DLG5: variants seen among roughly 807,000 people sequenced by gnomAD.
DLG5 encodes disks large homolog 5.
DLG5 carries 48 observed loss-of-function variants against 189.8 expected under a neutral mutation model. The observed-to-expected ratio is 0.25, with a 90% confidence interval of 0.20 to 0.32. DLG5 has a LOEUF of 0.32. Ranked by LOEUF, DLG5 falls within the 10% of genes least tolerant of loss-of-function variation. DLG5 has a pLI of 1.00. For missense variants in DLG5, 2,160 were observed against 2,544.7 expected, an observed-to-expected ratio of 0.85 and a Z score of 3.25; for synonymous variants, 1,016 against 1,054.1, an observed-to-expected ratio of 0.96 and a Z score of 0.70.
intron 9 of DLG5, among the ~76,000 whole-genome samples, chr10:77,831,918 T>C (rs1241268807): frequency 6.6e-6 from 1 of 152,220 alleles, no homozygotes; most frequent in Non-Finnish European, 1.5e-5. Context: ...TAAAAAATGT[T>C]CACTGATGGC....
chr10:77,876,832 G>A (rs2154577264), intron 1 of DLG5, among the ~76,000 whole-genome samples: 1 of 151,380 alleles, frequency 6.6e-6, no homozygotes, highest in East Asian at 1.9e-4. Context: ...TGTGTGGGGT[G>A]GCAGGAAGGA....
upstream of DLG5, chr10:77,927,197 G>T (rs577556673): frequency 2.4e-3 from 371 of 152,688 alleles, 2 homozygotes; most frequent in Non-Finnish European, 2.7e-3. Flanking sequence ...TCCCCGGCCC[G>T]CCCGCTAGGC....
intron 31 of DLG5, chr10:77,793,767 G>A (rs900446922): frequency 3.6e-6 from 2 of 551,638 alleles, no homozygotes; most frequent in African/African-American, 3.8e-5. Context: ...GTGTGAAAAT[G>A]AGCAGGCAAG....
rs1282912858 is a variant in DLG5, at chr10:77,794,955, G to T, written c.5440C>A (p.Arg1814=). 11 of 1,613,252 alleles carry T rather than the reference G, an allele frequency of 6.8e-6. No homozygotes were observed. The highest frequency in any genetic ancestry group is 1.3e-5 in the African/African-American group (1 of 74,942). ...GGAGCAATGTCCAGGAGGCAGTGTC[G>T]GTTCTGGGGTGGGGGGTGCAGAGTG... ...ASIKEITEKN[R]HCLLDIAPHA... is the part of the protein sequence containing the mutation. The change falls in exon 30 of 32, where the codon CGA becomes AGA. Residue 1814 remains arginine (R), a synonymous_variant. Transcript: ENST00000372391.
At chr10:77,904,563 T>C (rs1215430806) in intron 1 of DLG5, among the ~76,000 whole-genome samples, 2 of 152,184 alleles carry the variant, frequency 1.3e-5, no homozygotes, top group South Asian at 2.1e-4. Context: ...GGTAACTGAA[T>C]CATAAGGGCC....
intron 7 of DLG5, among the ~76,000 whole-genome samples, chr10:77,836,237 C>G (rs1348488481): frequency 6.6e-6 from 1 of 152,148 alleles, no homozygotes; most frequent in Non-Finnish European, 1.5e-5. Context: ...AAGCTGAAAT[C>G]CAAAGCATTT....
intron 2 of DLG5, among the ~76,000 whole-genome samples, chr10:77,859,600 G>T (rs75795887): frequency 6.6e-6 from 1 of 152,206 alleles, no homozygotes; most frequent in Admixed American, 6.5e-5. Flanking sequence ...TGCAGCTCAG[G>T]AGCAACAGGC....
At chr10:77,867,157 A>G (rs774341522) in intron 2 of DLG5, 4 of 446,032 alleles carry the variant, frequency 9.0e-6, no homozygotes, top group South Asian at 6.3e-5. Flanking sequence ...CTTCTTCCAG[A>G]ATATGCTGGG....
chr10:77,840,757 C>T (rs72815390), intron 7 of DLG5, among the ~76,000 whole-genome samples: 3 of 152,194 alleles, frequency 2.0e-5, no homozygotes, highest in Admixed American at 6.5e-5. Flanking sequence ...TAGAGAGGTT[C>T]GAGACCACAT....
At chr10:77,915,241 T>G (rs1237730798) in intron 1 of DLG5, among the ~76,000 whole-genome samples, 1 of 151,536 alleles carries the variant, frequency 6.6e-6, no homozygotes, top group African/African-American at 2.4e-5. Flanking sequence ...GCAGGAGAAT[T>G]GCTTGAACCC....
At position 77,820,021 on chromosome 10, in the gene DLG5, G is replaced by A. The variant is rs753922196; in HGVS notation, c.3403-3C>T. 7 of 1,613,066 alleles carry A rather than the reference G, an allele frequency of 4.3e-6. No homozygotes were observed. Among genetic ancestry groups the A allele is most frequent in the African/African-American group, 1.3e-5 (1 of 74,910 alleles). On this transcript the variant is annotated splice_polypyrimidine_tract_variant and splice_region_variant and intron_variant, in intron 15 of 31. Transcript: ENST00000372391. The stretch of plus-strand genomic sequence containing the variant: ...CTGGCCGGGACACACTTCTGTTCCT[G>A]CAGATGCAAGGGCAAGAGTGTCTGC...
intron 6 of DLG5, among the ~76,000 whole-genome samples, chr10:77,843,089 G>T: frequency 1.3e-5 from 2 of 152,262 alleles, no homozygotes; most frequent in Middle Eastern, 6.8e-3. Flanking sequence ...GCCACAGAGG[G>T]GAGAGGCACA....
chr10:77,829,370 G>C lies in DLG5; in HGVS notation c.2170C>G (p.Leu724Val), dbSNP rs1316956627. 1.9e-6 allele frequency: 3 copies of C among 1,614,086 alleles called. No homozygotes were observed. Among genetic ancestry groups the C allele is most frequent in the Admixed American group, 3.3e-5 (2 of 60,014 alleles). The change falls in exon 12 of 32, where the codon CTC becomes GTC. Residue 724 changes from leucine (L) to valine (V), a missense_variant. Coordinates refer to ENST00000372391, the MANE Select transcript of DLG5 (RefSeq NM_004747.4). ...GGCCCGCTACCTTTCTGTCCACTGAGGTTGATGTGCAGCGGCGTGACCACC... is the reference window on the plus strand; with the variant it reads ...GGCCCGCTACCTTTCTGTCCACTGACGTTGATGTGCAGCGGCGTGACCACC... ...GKVVTPLHINLSGQKDSGISL... is the reference protein window; with the variant it reads ...GKVVTPLHINVSGQKDSGISL...
intron 1 of DLG5, among the ~76,000 whole-genome samples, chr10:77,909,839 T>C (rs140463464): frequency 1.1e-4 from 16 of 152,260 alleles, no homozygotes; most frequent in African/African-American, 3.6e-4. Flanking sequence ...CCTACTGAGA[T>C]TGGCTATCAG....
Position 77,796,365 on chromosome 10 carries a change from C to T in DLG5, c.5308+86G>A. On this transcript the variant is annotated intron_variant, in intron 28 of 31. Coordinates refer to ENST00000372391, the MANE Select transcript of DLG5 (RefSeq NM_004747.4). The surrounding 1 kb of genome is among the most constrained non-coding windows in gnomAD (Gnocchi z 5.2). Reference sequence around the variant, plus strand: ...GAAATCTGCCCCCCGGTACTGCCACCCACTGTGCACAGCTGGGCAGGCAGG... The same window carrying T: ...GAAATCTGCCCCCCGGTACTGCCACTCACTGTGCACAGCTGGGCAGGCAGG... The T allele has an allele frequency of 6.2e-7, 1 of 1,603,424 alleles. No homozygotes were observed. Among genetic ancestry groups the T allele is most frequent in the East Asian group, 2.2e-5 (1 of 44,724 alleles).
rs769972568 is a variant in DLG5 at position 77,805,825 on chromosome 10, A to G, written c.5004T>C (p.Ser1668=). The change falls in exon 27 of 32, where the codon TCT becomes TCC. Residue 1668 remains serine (S), a synonymous_variant. Coordinates refer to ENST00000372391, the MANE Select transcript of DLG5 (RefSeq NM_004747.4). ...DQEFSRRLSM[S]EVKDDNSATK... ...TGGCGCTATTGTCATCTTTGACTTC[A>G]GACATGCTGAGCCTCCTGGAGAATT... The G allele has an allele frequency of 2.1e-5, 34 of 1,613,946 alleles. No homozygotes were observed. Among genetic ancestry groups the G allele is most frequent in the Non-Finnish European group, 2.9e-5 (34 of 1,179,946 alleles).
intron 17 of DLG5, among the ~76,000 whole-genome samples, chr10:77,818,208 AG>A (rs748123658): frequency 2.6e-5 from 4 of 151,808 alleles, no homozygotes; most frequent in Non-Finnish European, 4.4e-5. Context: ...GGGCCTGGGG[AG>A]GGGGAACCTG....
At chr10:77,812,411 G>T in intron 20 of DLG5, 34 bp from the exon 21 acceptor site, 1 of 1,596,338 alleles carries the variant, frequency 6.3e-7, no homozygotes, top group East Asian at 2.3e-5. Flanking sequence ...GGGACTCAGG[G>T]TCAAACAAAA....
intron 27 of DLG5, among the ~76,000 whole-genome samples, chr10:77,798,606 T>C (rs551272081): frequency 2.0e-4 from 30 of 152,350 alleles, no homozygotes; most frequent in African/African-American, 7.2e-4. Context: ...TAAGTGTGTC[T>C]GTGGATACTT....
Sources: gnomAD v4.1 joint callset for allele counts (sites outside exome capture counted in the v4.1 genomes callset) on GRCh38, gnomAD v4.1.1 for gene constraint, Gnocchi (gnomAD v3.1) non-coding constraint, MANE v1.5 for transcripts, NCBI Gene and HGNC (gene_info 2026-07-23, HGNC 2026-07-21) for gene names.